Variants in KIF27 observed in about 807,000 individuals in gnomAD.
KIF27 encodes kinesin-like protein KIF27.
Under a neutral mutation model 141.8 loss-of-function variants are expected in KIF27, and 84 were observed. The observed-to-expected ratio is 0.59, with a 90% CI of 0.50 to 0.71. KIF27 has a LOEUF of 0.71. Ranked by LOEUF, KIF27 falls within the 30% of genes least tolerant of loss-of-function variation. The pLI, the probability that KIF27 is intolerant of heterozygous loss-of-function variation, is 0.00. For missense variants in KIF27, 1,306 were observed against 1,628.4 expected, an observed-to-expected ratio of 0.80 and a Z score of 3.41; for synonymous variants, 471 against 569.5, an observed-to-expected ratio of 0.83 and a Z score of 2.46.
At chr9:83,869,799 A>G (rs1950624457) in intron 12 of KIF27, among the ~76,000 whole-genome samples, 1 of 152,216 alleles carries the variant, frequency 6.6e-6, no homozygotes, top group Non-Finnish European at 1.5e-5. Context: ...TTTCATGTTT[A>G]TATTCTACAA....
rs1162117763 is a variant in KIF27 at position 83,899,809 on chromosome 9, T to C, written c.1459-5A>G. 2.5e-6 allele frequency: 4 copies of C among 1,601,054 alleles called. No homozygotes were observed. The highest frequency in any genetic ancestry group is 2.7e-5 in the African/African-American group (2 of 74,858). ...TTCATCAGCAGCAAGCACACACTAGTGGGGAAAGAAAGCACAAGTGACATT... is the reference window on the plus strand; with the variant it reads ...TTCATCAGCAGCAAGCACACACTAGCGGGGAAAGAAAGCACAAGTGACATT... On this transcript the variant is annotated splice_polypyrimidine_tract_variant and splice_region_variant and intron_variant, in intron 4 of 17. Transcript: ENST00000297814.
At chr9:83,898,452 A>C (rs1330537308) in intron 5 of KIF27, among the ~76,000 whole-genome samples, 1 of 152,190 alleles carries the variant, frequency 6.6e-6, no homozygotes, top group Non-Finnish European at 1.5e-5. Flanking sequence ...AAGAAAAGCA[A>C]AGAAATGATT....
At chr9:83,857,578 T>G (rs1319529141) in intron 14 of KIF27, among the ~76,000 whole-genome samples, 1 of 152,216 alleles carries the variant, frequency 6.6e-6, no homozygotes, top group East Asian at 1.9e-4. Flanking sequence ...AATAACGTTT[T>G]TTGTTATGGG....
intron 16 of KIF27, 24 bp downstream of exon 16, chr9:83,850,075 A>G (rs939494134): frequency 2.9e-5 from 46 of 1,599,556 alleles, no homozygotes; most frequent in Non-Finnish European, 3.5e-5. Flanking sequence ...TCAACCTTAC[A>G]TAACTGTCAA....
chr9:83,839,049 A>T (rs1946252907), intron 17 of KIF27, among the ~76,000 whole-genome samples: 1 of 152,096 alleles, frequency 6.6e-6, no homozygotes, highest in South Asian at 2.1e-4. Context: ...AGCCCCAGCT[A>T]CTTGAGAGGC....
intron 1 of KIF27, among the ~76,000 whole-genome samples, chr9:83,921,118 T>C (rs1391761913): frequency 3.3e-5 from 5 of 150,994 alleles, no homozygotes; most frequent in Non-Finnish European, 5.9e-5. Flanking sequence ...AGGGGCGCTC[T>C]GCCTCTAGTC....
intron 11 of KIF27, among the ~76,000 whole-genome samples, chr9:83,877,336 G>A (rs368427974): frequency 5.3e-5 from 8 of 151,890 alleles, no homozygotes; most frequent in African/African-American, 1.2e-4. Flanking sequence ...ACATCTCCCC[G>A]TTTCCCCATC....
chr9:83,918,315 G>A (rs1025653036), intron 1 of KIF27, among the ~76,000 whole-genome samples: 2 of 93,972 alleles, frequency 2.1e-5, no homozygotes, highest in South Asian at 4.4e-4. Flanking sequence ...AAGAGAGAAC[G>A]AGAGAAATGG....
chr9:83,877,256 T>C (rs374969769), intron 11 of KIF27, among the ~76,000 whole-genome samples: 1 of 152,120 alleles, frequency 6.6e-6, no homozygotes, highest in African/African-American at 2.4e-5. Flanking sequence ...TATACAATAG[T>C]CATCATGCTG....
intron 11 of KIF27, among the ~76,000 whole-genome samples, chr9:83,872,853 A>G (rs2132079119): frequency 6.6e-6 from 1 of 152,294 alleles, no homozygotes; most frequent in African/African-American, 2.4e-5. Context: ...CTCCTAAACT[A>G]TTCAGGAGAG....
At chr9:83,866,004 T>C (rs1950323836) in intron 13 of KIF27, among the ~76,000 whole-genome samples, 1 of 152,112 alleles carries the variant, frequency 6.6e-6, no homozygotes, top group Admixed American at 6.6e-5. Flanking sequence ...GATTAGGAAA[T>C]AGATGTTTCA....
intron 13 of KIF27, among the ~76,000 whole-genome samples, chr9:83,864,109 G>C (rs1357579627): frequency 6.6e-6 from 1 of 151,582 alleles, no homozygotes; most frequent in Non-Finnish European, 1.5e-5. Flanking sequence ...CAATTTTCTT[G>C]ATCTCAAAAA....
chr9:83,897,629 A>G (rs776121429), intron 5 of KIF27, among the ~76,000 whole-genome samples: 9 of 152,226 alleles, frequency 5.9e-5, no homozygotes, highest in African/African-American at 1.9e-4. Context: ...TTTGATTACA[A>G]TAAGAACTCT....
At position 83,864,302 on chromosome 9, in the gene KIF27, T is replaced by C. The variant is rs557587134; in HGVS notation, c.2934+3382A>G. Among the ~76,000 whole-genome samples the C allele has an allele frequency of 8.5e-5, 13 of 152,362 alleles. No homozygotes were observed. In the South Asian group the frequency reaches 2.7e-3, roughly 32 times the overall value. On this transcript the variant is annotated intron_variant, in intron 13 of 17. Coordinates refer to ENST00000297814, the MANE Select transcript of KIF27 (RefSeq NM_017576.4). ...TTTAGATCTTTCCTGCTTTCTCTTG[T>C]CGGCATTTAGTGCTATAAATTTCCC... is the stretch of plus-strand genomic sequence containing the variant.
chr9:83,884,857 C>G (rs548685608), intron 9 of KIF27, among the ~76,000 whole-genome samples: 2 of 151,996 alleles, frequency 1.3e-5, no homozygotes, highest in Admixed American at 1.3e-4. Context: ...TTCACTAACC[C>G]GAACTTATTC....
chr9:83,918,988 A>G (rs1017525822), intron 1 of KIF27, among the ~76,000 whole-genome samples: 3 of 152,124 alleles, frequency 2.0e-5, no homozygotes, highest in Admixed American at 6.5e-5. Flanking sequence ...AGGCAGGAGA[A>G]TCGCTTGAAC....
At chr9:83,909,914 A>G (rs1439136435) in intron 2 of KIF27, among the ~76,000 whole-genome samples, 1 of 152,032 alleles carries the variant, frequency 6.6e-6, no homozygotes, top group African/African-American at 2.4e-5. Flanking sequence ...AATACAAAAA[A>G]TTAGCTGGGC....
At chr9:83,852,755 A>G (rs1457372745) in intron 15 of KIF27, among the ~76,000 whole-genome samples, 1 of 152,078 alleles carries the variant, frequency 6.6e-6, no homozygotes, top group Non-Finnish European at 1.5e-5. Flanking sequence ...CAGCCTCCCA[A>G]GTATCTGGGA....
chr9:83,900,632 C>T (rs1418462847), intron 4 of KIF27, among the ~76,000 whole-genome samples: 1 of 151,386 alleles, frequency 6.6e-6, no homozygotes, highest in South Asian at 2.1e-4. Context: ...TACTTGCACA[C>T]GCATGTTTAC....
Sources: allele counts gnomAD v4.1 joint callset (sites outside exome capture counted in the v4.1 genomes callset), GRCh38; gene constraint gnomAD v4.1.1; transcripts MANE v1.5; gene names NCBI Gene and HGNC (gene_info 2026-07-23, HGNC 2026-07-21).